The following RIMS3 variants were observed in gnomAD, a reference collection of about 807,000 sequenced individuals.
RIMS3 encodes the protein regulating synaptic membrane exocytosis 3.
In RIMS3, 15 loss-of-function variants were observed where a neutral mutation model predicts 29.2. The ratio of observed to expected loss-of-function variants is 0.51; its 90% CI spans 0.34 to 0.79. The LOEUF (loss-of-function observed/expected upper bound fraction) is 0.79, where lower values mean the gene tolerates loss of function less well. Among genes scored for constraint, RIMS3 ranks in the 30% least tolerant of loss-of-function variants. RIMS3 has a pLI of 0.01. For synonymous variants in RIMS3, 161 were observed against 170.1 expected (o/e 0.95, Z 0.41); for missense variants, 342 against 421.4 (o/e 0.81, Z 1.65).
Position 40,635,313 on chromosome 1 carries a change from G to A in RIMS3, c.359+603C>T, listed in dbSNP as rs1215582133. Among the ~76,000 whole-genome samples, 2 of 152,220 alleles carry A rather than the reference G, an allele frequency of 1.3e-5. No homozygotes were observed. The highest frequency in any genetic ancestry group is 3.8e-4 in the East Asian group (2 of 5,206). ...TGTAAGAAAGGAGATTTAACATCAT[G>A]ACCCAGGACAGACCTGTGTGCATCT... is the stretch of plus-strand genomic sequence containing the variant. On this transcript the variant is annotated intron_variant, in intron 4 of 7. Transcript: ENST00000372684. The surrounding 1 kb of genome is among the most constrained non-coding windows in gnomAD (Gnocchi z 4.1).
Position 40,633,193 on chromosome 1 carries a change from G to A in RIMS3, c.360-12C>T, listed in dbSNP as rs1175236594. ...TGGGGAAGATGAACCTGCAGGAGGA[G>A]GCAGAGGGACGCGTGAGGGGGTCAG... On this transcript the variant is annotated splice_polypyrimidine_tract_variant and intron_variant, in intron 4 of 7. Transcript: ENST00000372684. 1 of 1,609,868 alleles carries A rather than the reference G, an allele frequency of 6.2e-7. No individual in the cohort carries two copies. Among genetic ancestry groups the A allele is most frequent in the Admixed American group, 1.7e-5 (1 of 60,018 alleles).
intron 1 of RIMS3, among the ~76,000 whole-genome samples, 200 bp downstream of exon 1, chr1:40,665,194 C>A (rs547726201): frequency 6.6e-6 from 1 of 152,068 alleles, no homozygotes; most frequent in Non-Finnish European, 1.5e-5. Context: ...TCCCCAAACA[C>A]CCCACGTCCC....
At chr1:40,652,525 T>C (rs1642188152) in intron 1 of RIMS3, among the ~76,000 whole-genome samples, 3 of 152,110 alleles carry the variant, frequency 2.0e-5, no homozygotes. Flanking sequence ...GGTGAGGTTT[T>C]GGAGAGGAGA....
At chr1:40,668,991 G>A (rs1419123287), upstream of RIMS3, 3 of 152,344 alleles carry the variant, frequency 2.0e-5, no homozygotes, top group South Asian at 2.1e-4. Flanking sequence ...AACCCCAGGC[G>A]GGCCATCTGG....
At chr1:40,628,165 T>G (rs542019425) in intron 7 of RIMS3, among the ~76,000 whole-genome samples, 5 of 152,328 alleles carry the variant, frequency 3.3e-5, no homozygotes, top group African/African-American at 1.2e-4. Flanking sequence ...CCGCGGCTAA[T>G]GAGTGCTGAG....
the RIMS3 span, among the ~76,000 whole-genome samples, chr1:40,683,644 C>A: frequency 4.0e-4 from 59 of 149,282 alleles, no homozygotes; most frequent in Admixed American, 1.9e-3. Context: ...TAAGATACTA[C>A]CTGTAGCTAT....
chr1:40,685,340 TATTA>T, the RIMS3 span, among the ~76,000 whole-genome samples: 2 of 62,382 alleles, frequency 3.2e-5, no homozygotes, highest in African/African-American at 8.5e-5. Flanking sequence ...AATATAATTA[TATTA>T]TATATATATT....
chr1:40,648,691 C>T (rs1475219354), intron 1 of RIMS3, among the ~76,000 whole-genome samples: 1 of 152,208 alleles, frequency 6.6e-6, no homozygotes, highest in Non-Finnish European at 1.5e-5. Flanking sequence ...CTGGAGTCCA[C>T]ACCAGGTGCA....
chr1:40,650,101 T>C (rs532957144), intron 1 of RIMS3, among the ~76,000 whole-genome samples: 98 of 152,228 alleles, frequency 6.4e-4, no homozygotes, highest in African/African-American at 1.8e-3. Context: ...GTGGTCGGAC[T>C]CAAACCACAA....
chr1:40,666,860 A>C (rs1642434148), upstream of RIMS3, among the ~76,000 whole-genome samples: 1 of 152,100 alleles, frequency 6.6e-6, no homozygotes, highest in South Asian at 2.1e-4. Flanking sequence ...CCCCATCTCT[A>C]CTAAAAATAC....
At position 40,626,683 on chromosome 1, in the gene RIMS3, A is replaced by G. The variant is rs949312890; in HGVS notation, c.761T>C (p.Met254Thr). Residue 254 changes from methionine (M) to threonine (T), a missense_variant, in exon 8 of 8, where the codon ATG (methionine) becomes ACG (threonine). Met to Thr is a moderately conservative substitution (Grantham distance 81). Coordinates refer to ENST00000372684, the MANE Select transcript of RIMS3 (RefSeq NM_014747.3). ...GTCCAGCATGATCTGGGCCATGCCCATGAAGCACTTGTGGTCCATGCGGCC... is the reference window on the plus strand; with the variant it reads ...GTCCAGCATGATCTGGGCCATGCCCGTGAAGCACTTGTGGTCCATGCGGCC... ...DYGRMDHKCF[M>T]GMAQIMLDEL... 1.9e-6 allele frequency: 3 copies of G among 1,614,094 alleles called. No homozygotes were observed. The African/African-American group carries it at 4.0e-5, about 22-fold the overall frequency.
chr1:40,640,380 A>C lies in RIMS3; in HGVS notation c.217+1329T>G, dbSNP rs150910519. ...TAATAGCTTTCCCCAGCGAGAAACC[A>C]CATCACAGCTTGATTGCTGGAAAAG... On this transcript the variant is annotated intron_variant, in intron 3 of 7. Coordinates refer to ENST00000372684, the MANE Select transcript of RIMS3 (RefSeq NM_014747.3). Among the ~76,000 whole-genome samples the C allele has an allele frequency of 9.2e-5, 14 of 152,254 alleles. No individual in the cohort carries two copies. The East Asian group carries it at 2.7e-3, about 29-fold the overall frequency.
intron 2 of RIMS3, among the ~76,000 whole-genome samples, chr1:40,644,061 T>TC (rs560726899): frequency 1.3e-5 from 2 of 150,918 alleles, no homozygotes; most frequent in African/African-American, 2.4e-5. Flanking sequence ...ACAAGAAAGG[T>TC]GGGGGGCTCT....
In RIMS3 at chr1:40,633,105, T is replaced by G; in HGVS notation, c.436A>C (p.Ile146Leu). Residue 146 changes from isoleucine (I) to leucine (L), a missense_variant, in exon 5 of 8, where the codon ATT becomes CTT. Transcript: ENST00000372684. ...GTTGCCAGTGTCTGTCGCCCCACAA[T>G]CTGAGCTGGTCCCAGCCCATCCAGG... ...DFLDGLGPAQ[I>L]VGRQTLATPP... The G allele has an allele frequency of 1.2e-6, 2 of 1,614,154 alleles. No homozygotes were observed. Among genetic ancestry groups the G allele is most frequent in the Non-Finnish European group, 1.7e-6 (2 of 1,179,998 alleles).
upstream of RIMS3, among the ~76,000 whole-genome samples, chr1:40,668,572 C>T (rs1484878467): frequency 1.3e-5 from 2 of 151,154 alleles, no homozygotes; most frequent in African/African-American, 2.4e-5. Context: ...AAAGCTGTGC[C>T]CTTATTCGAC....
Position 40,625,408 on chromosome 1 carries a change from C to G in RIMS3, c.*1109G>C, listed in dbSNP as rs1388603694. The G allele has an allele frequency of 6.6e-6, 1 of 152,634 alleles. No individual in the cohort carries two copies. Among genetic ancestry groups the G allele is most frequent in the African/African-American group, 2.4e-5 (1 of 41,436 alleles). 9.5% of individuals were successfully genotyped at this position (152,634 alleles called of 1,614,324 possible). A position where few individuals can be genotyped will look rare whatever the true frequency, so the allele number is the denominator to read the frequency against. ...TGAGCTCCCAGACAGGGACCCTGGT[C>G]TGGAAATGCACAAAAACTGGAGCCC... is the stretch of plus-strand genomic sequence containing the variant. On this transcript the variant is annotated 3_prime_UTR_variant, in exon 8 of 8. Coordinates refer to ENST00000372684, the MANE Select transcript of RIMS3 (RefSeq NM_014747.3).
At chr1:40,662,947 C>G (rs1642372684) in intron 1 of RIMS3, among the ~76,000 whole-genome samples, 1 of 152,180 alleles carries the variant, frequency 6.6e-6, no homozygotes, top group Non-Finnish European at 1.5e-5. Flanking sequence ...TTCTCTGCCC[C>G]AAACCACACA....
At chr1:40,653,363 C>T (rs181338559) in intron 1 of RIMS3, among the ~76,000 whole-genome samples, 1 of 152,190 alleles carries the variant, frequency 6.6e-6, no homozygotes, top group Non-Finnish European at 1.5e-5. Flanking sequence ...GAGAGGAACT[C>T]ACAGAAGATG....
the RIMS3 span, among the ~76,000 whole-genome samples, chr1:40,676,176 T>G: frequency 6.6e-6 from 1 of 152,122 alleles, no homozygotes; most frequent in Non-Finnish European, 1.5e-5. Flanking sequence ...TGAGCTAAAT[T>G]GGGTGGGCTT....
Sources: gnomAD v4.1 joint callset for allele counts (sites outside exome capture counted in the v4.1 genomes callset) on GRCh38, gnomAD v4.1.1 for gene constraint, Gnocchi (gnomAD v3.1) non-coding constraint, MANE v1.5 for transcripts, NCBI Gene and HGNC (gene_info 2026-07-23, HGNC 2026-07-21) for gene names.